The following COL6A3 variants were observed in gnomAD, a reference collection of about 807,000 sequenced individuals.
The protein encoded by COL6A3 is collagen type VI alpha 3 chain.
In COL6A3, 137 loss-of-function variants were observed where a neutral mutation model predicts 274.1. The observed-to-expected ratio is 0.50, with a 90% CI of 0.44 to 0.58. The LOEUF is 0.58. Among genes scored for constraint, COL6A3 ranks in the 20% least tolerant of loss-of-function variants. The pLI, the probability that COL6A3 is intolerant of heterozygous loss-of-function variation, is 0.00. For missense variants in COL6A3, 3,950 were observed against 4,124.9 expected (o/e 0.96, Z 1.16); for synonymous variants, 1,650 against 1,650.6 (o/e 1.00, Z 0.01).
chr2:237,359,982 G>T, intron 17 of COL6A3, 106 bp downstream of exon 17: 2 of 1,173,018 alleles, frequency 1.7e-6, no homozygotes, highest in Non-Finnish European at 2.5e-6. Context: ...GCTGAATGCT[G>T]AGGTCAAGAA....
intron 6 of COL6A3, 29 bp downstream of exon 6, chr2:237,378,607 G>A: frequency 6.2e-7 from 1 of 1,612,166 alleles, no homozygotes. Flanking sequence ...AGGAAGGAGA[G>A]GGAGTTCCCG....
intron 1 of COL6A3, among the ~76,000 whole-genome samples, chr2:237,400,754 A>G (rs933907031): frequency 6.6e-6 from 1 of 152,140 alleles, no homozygotes; most frequent in Non-Finnish European, 1.5e-5. Context: ...AACACCCCCA[A>G]ACTCATTTTT....
rs1333028582 is a variant in COL6A3 at position 237,364,463 on chromosome 2, C to T, written c.5839-35G>A. 6.5e-7 allele frequency: 1 copy of T among 1,536,130 alleles called. No homozygotes were observed. Among genetic ancestry groups the T allele is most frequent in the South Asian group, 1.1e-5 (1 of 89,548 alleles). ...AGAGAGCTGTCAAATCCCAGGAAAA[C>T]TAAAAAGGAGTGTTGCAGACTGCTG... On this transcript the variant is annotated intron_variant, in intron 12 of 43. Coordinates refer to ENST00000295550, the MANE Select transcript of COL6A3 (RefSeq NM_004369.4). The surrounding 1 kb of genome is among the most constrained non-coding windows in gnomAD (Gnocchi z 4.6).
rs766991745 is a variant in COL6A3, at chr2:237,361,855, A to G, written c.6064-24T>C. ...TCCTACCGAAAGGAAGAGAAACCAA[A>G]TGTTCAGATCTCAAGAAATGCCCAG... On this transcript the variant is annotated intron_variant, in intron 14 of 43. Transcript: ENST00000295550. This position sits in a 1 kb window ranked among gnomAD's most constrained non-coding sequence, Gnocchi z 5.1. The G allele has an allele frequency of 6.2e-7, 1 of 1,600,914 alleles. No individual in the cohort carries two copies. Among genetic ancestry groups the G allele is most frequent in the Admixed American group, 1.7e-5 (1 of 60,012 alleles).
At position 237,332,084 on chromosome 2, in the gene COL6A3, TATATATATATATATATATATATA is replaced by T. The variant is rs1348968054; in HGVS notation, c.9328+1343_9328+1365del. On this transcript the variant is annotated intron_variant, in intron 42 of 43. Coordinates refer to ENST00000295550, the MANE Select transcript of COL6A3 (RefSeq NM_004369.4). ...CTCTCTCTCTACATATATATATATATATATATATATATATATATATATATATATATATATGAAAAGAAAAACAA... is the reference window on the plus strand; with the variant it reads ...CTCTCTCTCTACATATATATATATATTATATATATATGAAAAGAAAAACAA... 3.1e-3 allele frequency among the ~76,000 whole-genome samples: 50 copies of T among 16,238 alleles called. 10 individuals are homozygous for T. The Middle Eastern group carries it at 0.19, about 62-fold the overall frequency. The allele number at this position is 16,238 out of a possible 152,430, so 10.7% of individuals were successfully genotyped here.
chr2:237,392,491 A>G (rs1188600473), intron 3 of COL6A3, among the ~76,000 whole-genome samples: 1 of 152,014 alleles, frequency 6.6e-6, no homozygotes, highest in East Asian at 1.9e-4. Flanking sequence ...ATGTGTATTC[A>G]CAAGAGACTG....
rs758039484 is a variant in COL6A3, at chr2:237,344,392, G to A, written c.7626C>T (p.Phe2542=). Residue 2542 remains phenylalanine, a synonymous_variant, in exon 36 of 44, where the codon TTC becomes TTT. Transcript: ENST00000295550. This position sits in a 1 kb window ranked among gnomAD's most constrained non-coding sequence, Gnocchi z 4.8. The stretch of plus-strand genomic sequence containing the variant: ...GCTGCCGGTCTTCCTGCCTTGTAAG[G>A]AACAAGGGGGTGATCCCCGCATCTG... The part of the protein sequence containing the change: ...KLSDAGITPL[F]LTRQEDRQLI... 1.9e-6 allele frequency: 3 copies of A among 1,614,172 alleles called. No individual in the cohort carries two copies. In the South Asian group the frequency reaches 3.3e-5, roughly 18 times the overall value.
rs774784273 is a variant in COL6A3, at chr2:237,396,754, T to C, written c.64A>G (p.Thr22Ala). The change falls in exon 2 of 44, where the codon ACA becomes GCA. Residue 22 changes from threonine to alanine, a missense_variant. Thr to Ala is a moderately conservative substitution (Grantham distance 58, BLOSUM62 0). This residue lies in a region of COL6A3 where 1,934 missense variants were observed against 1,984.3 expected (regional missense o/e 0.97). Coordinates refer to ENST00000295550, the MANE Select transcript of COL6A3 (RefSeq NM_004369.4). ...GCTTGCTGCTGCTGGGCATGAGTTG[T>C]AGGAAAGCCTGAGAGAAAGAGGCAA... ...VFCLFLSGFP[T>A]THAQQQQADV... 1 of 1,614,146 alleles carries C rather than the reference T, an allele frequency of 6.2e-7. No individual in the cohort carries two copies. Among genetic ancestry groups the C allele is most frequent in the East Asian group, 2.2e-5 (1 of 44,878 alleles).
rs571381552 is a variant in COL6A3 at position 237,384,875 on chromosome 2, A to G, written c.1312+2707T>C. On this transcript the variant is annotated intron_variant, in intron 4 of 43. Transcript: ENST00000295550. ...TACAGCAGCTGCTTCTCCAGCTTCC[A>G]TGCATCCAGGGAGTCTGAACCTCAG... Among the ~76,000 whole-genome samples, 134 of 152,120 alleles carry G rather than the reference A, an allele frequency of 8.8e-4. 2 individuals carry two copies. The South Asian group carries it at 0.026, about 30-fold the overall frequency.
At chr2:237,405,497 G>A (rs936745936) in intron 1 of COL6A3, among the ~76,000 whole-genome samples, 1 of 151,996 alleles carries the variant, frequency 6.6e-6, no homozygotes, top group Non-Finnish European at 1.5e-5. Context: ...CTCATTCCCC[G>A]ACACCACCCT....
intron 14 of COL6A3, among the ~76,000 whole-genome samples, chr2:237,362,950 C>T (rs1372737168): frequency 1.3e-5 from 2 of 152,118 alleles, no homozygotes; most frequent in South Asian, 2.1e-4. Context: ...GGTTTGCATC[C>T]CTGCAATGGT....
chr2:237,342,187 G>A (rs1434699621), intron 36 of COL6A3, 26 bp from the exon 37 acceptor site: 1 of 1,583,022 alleles, frequency 6.3e-7, no homozygotes, highest in African/African-American at 1.3e-5. Flanking sequence ...GAACAATTTT[G>A]GTAGGGGCGT....
At chr2:237,380,863 G>C (rs1574724505) in intron 5 of COL6A3, 52 bp downstream of exon 5, 1 of 1,534,416 alleles carries the variant, frequency 6.5e-7, no homozygotes, top group African/African-American at 1.4e-5. Flanking sequence ...TGTTCTTAAA[G>C]GCCCTGCCTG....
Position 237,381,398 on chromosome 2 carries a change from T to A in COL6A3, c.1414A>T (p.Ile472Phe). 6.2e-7 allele frequency: 1 copy of A among 1,614,046 alleles called. No individual in the cohort carries two copies. Among genetic ancestry groups the A allele is most frequent in the East Asian group, 2.2e-5 (1 of 44,886 alleles). Residue 472 changes from isoleucine (I) to phenylalanine (F), a missense_variant, in exon 5 of 44, where the codon ATC becomes TTC. Physicochemically the swap from Ile to Phe is conservative, Grantham distance 21 (BLOSUM62 0). Around this residue, in one of 5 missense-constraint regions of COL6A3, gnomAD observed 1,934 missense variants for 1,984.3 expected, o/e 0.97. Transcript: ENST00000295550. ...NAIRDFIAKV[I>F]QRLEIGQDLI... is the part of the protein sequence containing the mutation. The stretch of plus-strand genomic sequence containing the variant: ...TCCTGTCCGATTTCCAGCCTCTGGA[T>A]GACTTTAGCAATGAAGTCTCGGATG...
intron 23 of COL6A3, among the ~76,000 whole-genome samples, chr2:237,356,635 C>A (rs1031676636): frequency 3.9e-5 from 6 of 152,316 alleles, no homozygotes; most frequent in Admixed American, 1.3e-4. Flanking sequence ...TGAGCAGAGA[C>A]CTCCCCTAGG....
intron 42 of COL6A3, among the ~76,000 whole-genome samples, chr2:237,331,521 T>C (rs978315262): frequency 2.6e-5 from 4 of 152,224 alleles, no homozygotes; most frequent in Admixed American, 6.5e-5. Flanking sequence ...GTAATTCCAG[T>C]TGTTGCCATT....
intron 22 of COL6A3, 134 bp downstream of exon 22, chr2:237,357,683 C>T (rs565287179): frequency 1.1e-6 from 1 of 950,166 alleles, no homozygotes; most frequent in African/African-American, 1.6e-5. Context: ...CACGGGGACT[C>T]TGCTGCTAAT....
At chr2:237,397,389 C>T (rs2078475928) in intron 1 of COL6A3, among the ~76,000 whole-genome samples, 1 of 134,850 alleles carries the variant, frequency 7.4e-6, no homozygotes, top group African/African-American at 2.8e-5. Context: ...GAGAAAGAAG[C>T]AGAAGAAAAA....
At chr2:237,347,975 G>A (rs559186236) in intron 30 of COL6A3, 106 bp from the exon 31 acceptor site, 60 of 1,028,754 alleles carry the variant, frequency 5.8e-5, no homozygotes, top group South Asian at 3.5e-4. Context: ...CACTTTTCCC[G>A]GGCAGCCAAG....
Sources: gnomAD v4.1 joint callset for allele counts (sites outside exome capture counted in the v4.1 genomes callset) on GRCh38, gnomAD v4.1.1 for gene constraint, gnomAD v4.1.1 regional missense constraint, Gnocchi (gnomAD v3.1) non-coding constraint, MANE v1.5 for transcripts, NCBI Gene and HGNC (gene_info 2026-07-23, HGNC 2026-07-21) for gene names.